The following DHX29 variants were observed in gnomAD, a reference collection of about 807,000 sequenced individuals.
The protein encoded by DHX29 is ATP-dependent RNA helicase DHX29.
In DHX29, 79 loss-of-function variants were observed where a neutral mutation model predicts 167.9. That is an observed-to-expected ratio of 0.47 (90% confidence interval 0.39 to 0.57). The LOEUF is 0.57. Among genes scored for constraint, DHX29 ranks in the 20% least tolerant of loss-of-function variants. DHX29 has a pLI of 0.00. For missense variants in DHX29, 1,347 were observed against 1,593.4 expected, an observed-to-expected ratio of 0.85 and a Z score of 2.63; for synonymous variants, 530 against 546.0, an observed-to-expected ratio of 0.97 and a Z score of 0.41.
At chr5:55,271,848 C>A (rs1454730213) in intron 18 of DHX29, among the ~76,000 whole-genome samples, 1 of 152,094 alleles carries the variant, frequency 6.6e-6, no homozygotes, top group East Asian at 1.9e-4. Flanking sequence ...TTTTTCTCAG[C>A]ACTTTTCTAA....
chr5:55,280,853 T>A (rs1247190670), intron 12 of DHX29, among the ~76,000 whole-genome samples: 1 of 152,104 alleles, frequency 6.6e-6, no homozygotes, highest in Non-Finnish European at 1.5e-5. Context: ...CATTATGAAA[T>A]GCTACATTTT....
In DHX29 at chr5:55,307,650, C is replaced by G; in HGVS notation, c.-77G>C. 1 of 1,546,682 alleles carries G rather than the reference C, an allele frequency of 6.5e-7. No homozygotes were observed. Among genetic ancestry groups the G allele is most frequent in the Non-Finnish European group, 8.8e-7 (1 of 1,142,586 alleles). The stretch of plus-strand genomic sequence containing the variant: ...TGCACAGCCGAGAGCTCTTCACATT[C>G]CCCGGCTCCGGGGCTGCCACCCTGC... On this transcript the variant is annotated 5_prime_UTR_variant, in exon 1 of 27. Coordinates refer to ENST00000251636, the MANE Select transcript of DHX29 (RefSeq NM_019030.4).
Position 55,274,690 on chromosome 5 carries a change from T to A in DHX29, c.2614A>T (p.Ile872Phe). Residue 872 changes from isoleucine (I) to phenylalanine (F), a missense_variant, in exon 16 of 27, where the codon ATC (isoleucine) becomes TTC (phenylalanine). Transcript: ENST00000251636. The stretch of plus-strand genomic sequence containing the variant: ...ATATGAGCAAGTCCTGGTAAAAAGA[T>A]CAATACTGCTCCTTCAATATTTCTG... The part of the protein sequence containing the change: ...QFRNIEGAVL[I>F]FLPGLAHIQQ... 6.3e-7 allele frequency: 1 copy of A among 1,598,858 alleles called. No homozygotes were observed. The highest frequency in any genetic ancestry group is 8.5e-7 in the Non-Finnish European group (1 of 1,175,276).
intron 23 of DHX29, among the ~76,000 whole-genome samples, chr5:55,263,239 C>G (rs547254190): frequency 6.6e-6 from 1 of 152,216 alleles, no homozygotes; most frequent in East Asian, 1.9e-4. Flanking sequence ...AGTAGCTCTC[C>G]TTTTTCTCTG....
At chr5:55,264,343 C>T (rs1476103066) in intron 23 of DHX29, among the ~76,000 whole-genome samples, 5 of 152,120 alleles carry the variant, frequency 3.3e-5, no homozygotes, top group Admixed American at 2.6e-4. Flanking sequence ...ATCTGGTTTC[C>T]GTTCCTAAGA....
intron 20 of DHX29, among the ~76,000 whole-genome samples, chr5:55,270,159 G>A (rs1300123739): frequency 6.6e-6 from 1 of 151,818 alleles, no homozygotes; most frequent in Non-Finnish European, 1.5e-5. Context: ...ATGTCCCCTG[G>A]TAGGCAACAG....
rs111903928 is a variant in DHX29 at position 55,302,563 on chromosome 5, T to C, written c.188-3899A>G. 2.5e-3 allele frequency among the ~76,000 whole-genome samples: 349 copies of C among 139,176 alleles called. 2 individuals carry two copies. The Middle Eastern group carries it at 0.026, about 10-fold the overall frequency. 91.3% of individuals were successfully genotyped at this position (139,176 alleles called of 152,430 possible). ...TGAGCCTGGGAGGCAGAGATTGTAGTGAGCCACTGGGCGACAGAGTGACCC... is the reference window on the plus strand; with the variant it reads ...TGAGCCTGGGAGGCAGAGATTGTAGCGAGCCACTGGGCGACAGAGTGACCC... On this transcript the variant is annotated intron_variant, in intron 1 of 26. Transcript: ENST00000251636.
chr5:55,270,292 T>C, intron 20 of DHX29, 120 bp downstream of exon 20: 1 of 1,137,258 alleles, frequency 8.8e-7, no homozygotes, highest in East Asian at 2.6e-5. Context: ...AGGGCATATA[T>C]TAAAGAAGAG....
chr5:55,305,407 C>A (rs544946312), intron 1 of DHX29, among the ~76,000 whole-genome samples: 54 of 152,268 alleles, frequency 3.5e-4, no homozygotes, highest in Non-Finnish European at 7.1e-4. Context: ...GAAAACACAC[C>A]AGACTTGCTA....
chr5:55,269,321 A>C, intron 21 of DHX29, 92 bp downstream of exon 21: 2 of 1,275,092 alleles, frequency 1.6e-6, no homozygotes, highest in Non-Finnish European at 2.2e-6. Flanking sequence ...TATTTAGTTA[A>C]AAAAATTTTT....
chr5:55,301,153 G>T (rs1258545345), intron 1 of DHX29, among the ~76,000 whole-genome samples: 1 of 152,132 alleles, frequency 6.6e-6, no homozygotes, highest in Non-Finnish European at 1.5e-5. Flanking sequence ...TAGCCACACT[G>T]GGGGTAAGGG....
chr5:55,276,220 C>A (rs751890157), intron 14 of DHX29, 46 bp downstream of exon 14: 1 of 1,467,110 alleles, frequency 6.8e-7, no homozygotes, highest in Non-Finnish European at 9.1e-7. Flanking sequence ...GCAGGTTAGG[C>A]CCTGGATATC....
intron 23 of DHX29, among the ~76,000 whole-genome samples, chr5:55,264,744 A>G (rs1366863373): frequency 6.6e-6 from 1 of 152,232 alleles, no homozygotes; most frequent in African/African-American, 2.4e-5. Context: ...TTAAAAAAAC[A>G]AGATTCACTG....
At chr5:55,306,721 G>A (rs1748883420) in intron 1 of DHX29, among the ~76,000 whole-genome samples, 1 of 152,144 alleles carries the variant, frequency 6.6e-6, no homozygotes, top group Non-Finnish European at 1.5e-5. Flanking sequence ...AACCCGAGAA[G>A]AACACAACAG....
At chr5:55,294,212 T>G in intron 5 of DHX29, 67 bp from the exon 6 acceptor site, 1 of 1,434,616 alleles carries the variant, frequency 7.0e-7, no homozygotes, top group Non-Finnish European at 9.3e-7. Flanking sequence ...ATCTTGTCAC[T>G]GCTTTTACAA....
At chr5:55,292,297 C>T (rs1055214264) in intron 6 of DHX29, among the ~76,000 whole-genome samples, 3 of 152,082 alleles carry the variant, frequency 2.0e-5, no homozygotes, top group Non-Finnish European at 4.4e-5. Flanking sequence ...TTTCTTCATA[C>T]ACTTACTGGT....
At position 55,297,205 on chromosome 5, in the gene DHX29, A is replaced by C. The variant is rs905277541; in HGVS notation, c.375+80T>G. On this transcript the variant is annotated intron_variant, in intron 3 of 26. Coordinates refer to ENST00000251636, the MANE Select transcript of DHX29 (RefSeq NM_019030.4). ...ACATAAAATCTCAATGGAAGTTGTA[A>C]AGCCATTTTTATCTCACATGAGGAG... The C allele has an allele frequency of 8.9e-6, 6 of 672,282 alleles. No individual in the cohort carries two copies. The African/African-American group carries it at 1.1e-4, about 12-fold the overall frequency. The allele number at this position is 672,282 out of a possible 1,614,324, so 41.6% of individuals were successfully genotyped here.
At chr5:55,307,138 G>A (rs1748910473) in intron 1 of DHX29, among the ~76,000 whole-genome samples, 1 of 152,210 alleles carries the variant, frequency 6.6e-6, no homozygotes, top group Admixed American at 6.5e-5. Context: ...TTTGTTTTTA[G>A]AAGGGGGAGA....
Position 55,281,402 on chromosome 5 carries a change from T to C in DHX29, c.2079A>G (p.Leu693=). The change falls in exon 12 of 27, where the codon CTA becomes CTG. Residue 693 remains leucine, a synonymous_variant. Coordinates refer to ENST00000251636, the MANE Select transcript of DHX29 (RefSeq NM_019030.4). Reference sequence around the variant, plus strand: ...CTACAATAACATGAGACACATTACTTAGAAGACCATCTTCTTGAAGTTTCC... The same window carrying C: ...CTACAATAACATGAGACACATTACTCAGAAGACCATCTTCTTGAAGTTTCC... The part of the protein sequence containing the change: ...LLRKLQEDGL[L]SNVSHVIVDE... 1.2e-6 allele frequency: 2 copies of C among 1,602,752 alleles called. No individual in the cohort carries two copies. The highest frequency in any genetic ancestry group is 1.7e-6 in the Non-Finnish European group (2 of 1,174,502).
Sources: allele counts gnomAD v4.1 joint callset (sites outside exome capture counted in the v4.1 genomes callset), GRCh38; gene constraint gnomAD v4.1.1; transcripts MANE v1.5; gene names NCBI Gene and HGNC (gene_info 2026-07-23, HGNC 2026-07-21).